Variants in GBP3 observed in about 807,000 individuals in gnomAD.
GBP3 encodes the protein guanylate binding protein 3, also known as guanylate-binding protein 3.
In GBP3, 55 loss-of-function variants were observed where a neutral mutation model predicts 62.4. That is an observed-to-expected ratio of 0.88 (90% CI 0.71 to 1.10). GBP3 has a LOEUF of 1.10. Ranked by LOEUF, GBP3 falls within the 50% of genes least tolerant of loss-of-function variation. The probability of loss-of-function intolerance (pLI) is 0.00; values close to 1 mark genes in which losing one functional copy is unlikely to be tolerated. For synonymous variants in GBP3, 208 were observed against 259.2 expected (o/e 0.80, Z 1.90); for missense variants, 605 against 690.6 (o/e 0.88, Z 1.39).
At chr1:89,016,959 T>C (rs1678919934) in intron 2 of GBP3, among the ~76,000 whole-genome samples, 1 of 152,188 alleles carries the variant, frequency 6.6e-6, no homozygotes, top group Non-Finnish European at 1.5e-5. Context: ...ATGCAATCCC[T>C]ATCAAAATTC....
chr1:89,021,804 AGAGAGAGAGAGAG>A, intron 1 of GBP3, among the ~76,000 whole-genome samples: 1 of 146,540 alleles, frequency 6.8e-6, no homozygotes, highest in African/African-American at 2.6e-5. Context: ...AGAGAGAGAG[AGAGAGAGAGAGAG>A]AGAGAGAGAG....
intron 10 of GBP3, among the ~76,000 whole-genome samples, chr1:89,008,590 A>G (rs1172741330): frequency 1.3e-5 from 2 of 151,280 alleles, no homozygotes; most frequent in Non-Finnish European, 2.9e-5. Context: ...TATAAAAGTT[A>G]TTTAATATTT....
chr1:89,019,662 G>A (rs962485045), intron 2 of GBP3, among the ~76,000 whole-genome samples: 7 of 152,156 alleles, frequency 4.6e-5, no homozygotes, highest in African/African-American at 1.7e-4. Context: ...GTCACCAAAG[G>A]ACAAATATTG....
chr1:89,010,607 TC>T (rs1292689610), intron 8 of GBP3, among the ~76,000 whole-genome samples: 11 of 138,422 alleles, frequency 7.9e-5, no homozygotes, highest in African/African-American at 2.5e-4. Flanking sequence ...GAGACATGTT[TC>T]ACCATGTTGC....
chr1:89,014,192 G>A lies in GBP3; in HGVS notation c.516C>T (p.Phe172=), dbSNP rs1426090093. 3.1e-6 allele frequency: 5 copies of A among 1,614,100 alleles called. No individual in the cohort carries two copies. The highest frequency in any genetic ancestry group is 4.2e-6 in the Non-Finnish European group (5 of 1,180,032). ...TCAGTGTCCACACAAAATCTGGGAA[G>A]AAGCTCACAAAGTCAGCTGAATCCT... ...ENEDSADFVS[F]FPDFVWTLRD... is the part of the protein sequence containing the mutation. The change falls in exon 5 of 11, where the codon TTC becomes TTT. Residue 172 remains phenylalanine, a synonymous_variant. Transcript: ENST00000370481.
intron 10 of GBP3, among the ~76,000 whole-genome samples, chr1:89,008,656 G>T (rs555066227): frequency 6.6e-6 from 1 of 151,878 alleles, no homozygotes; most frequent in South Asian, 2.1e-4. Flanking sequence ...GCTTCATATG[G>T]TATTAAGCAA....
intron 7 of GBP3, among the ~76,000 whole-genome samples, chr1:89,011,364 A>C (rs1270723007): frequency 7.2e-6 from 1 of 139,526 alleles, no homozygotes; most frequent in Non-Finnish European, 1.7e-5. Flanking sequence ...CTGCTTTTGC[A>C]TATTGGACTA....
At chr1:89,014,338 T>G (rs1678763095) in intron 4 of GBP3, 59 bp from the exon 5 acceptor site, 1 of 1,612,192 alleles carries the variant, frequency 6.2e-7, no homozygotes, top group South Asian at 1.1e-5. Context: ...CCATATTAGT[T>G]CAACACATTC....
intron 2 of GBP3, among the ~76,000 whole-genome samples, chr1:89,017,180 A>G (rs1428394844): frequency 3.9e-5 from 6 of 152,220 alleles, no homozygotes. Context: ...AATGGAGTAA[A>G]GTAGAGAGCC....
At chr1:89,017,232 A>G (rs1304196329) in intron 2 of GBP3, among the ~76,000 whole-genome samples, 22 of 152,068 alleles carry the variant, frequency 1.4e-4, no homozygotes, top group Non-Finnish European at 1.5e-5. Flanking sequence ...AATTTTCAAC[A>G]TGGATGCTAA....
Position 89,011,837 on chromosome 1 carries a change from G to C in GBP3, c.1059C>G (p.Asp353Glu). 1.4e-6 allele frequency: 2 copies of C among 1,461,974 alleles called. 1 individual carries two copies. The highest frequency in any genetic ancestry group is 2.4e-5 in the South Asian group (2 of 84,770). 90.6% of individuals were successfully genotyped at this position (1,461,974 alleles called of 1,614,324 possible). The stretch of plus-strand genomic sequence containing the variant: ...CCTCCCTCTCACTAACCCTGTGCAG[G>C]TCCAGCAGCTCCTGGAGGGTTTCTG... ...LPAETLQELL[D>E]LHRVSEREAT... Residue 353 changes from aspartate (D) to glutamate (E), a missense_variant, in exon 7 of 11, where the codon GAC becomes GAG. By Grantham distance (45) the Asp-to-Glu change is conservative (BLOSUM62 2). Around this residue, in one of 3 missense-constraint regions of GBP3, gnomAD observed 137 missense variants for 224.7 expected, o/e 0.61. Coordinates refer to ENST00000370481, the MANE Select transcript of GBP3 (RefSeq NM_018284.3).
intron 1 of GBP3, among the ~76,000 whole-genome samples, chr1:89,021,510 G>GCGCGCGCGCA (rs751639388): frequency 1.3e-4 from 17 of 131,668 alleles, no homozygotes; most frequent in African/African-American, 4.8e-4. Context: ...GCGCGCGCGC[G>GCGCGCGCGCA]CACACACACA....
chr1:89,016,752 T>C (rs572101239), intron 2 of GBP3, among the ~76,000 whole-genome samples: 10 of 152,288 alleles, frequency 6.6e-5, no homozygotes, highest in Admixed American at 6.5e-4. Flanking sequence ...TTTTTGTATA[T>C]TTTGTAGAGA....
chr1:89,015,375 C>T lies in GBP3; in HGVS notation c.230G>A (p.Gly77Glu), dbSNP rs750980387. ...LGSTVKSHTK[G>E]IWMWCVPHPK... ...GTGAGGCACACACCACATCCAGATT[C>T]CTTTGGTGTGAGATTTCACTGTGGA... Residue 77 changes from glycine to glutamate, a missense_variant, in exon 3 of 11, where the codon GGA becomes GAA. Coordinates refer to ENST00000370481, the MANE Select transcript of GBP3 (RefSeq NM_018284.3). The T allele has an allele frequency of 1.9e-6, 3 of 1,613,430 alleles. No individual in the cohort carries two copies. The highest frequency in any genetic ancestry group is 2.5e-6 in the Non-Finnish European group (3 of 1,179,650).
intron 1 of GBP3, among the ~76,000 whole-genome samples, chr1:89,021,039 T>G (rs1243519825): frequency 6.6e-6 from 1 of 152,150 alleles, no homozygotes; most frequent in Non-Finnish European, 1.5e-5. Flanking sequence ...AAATGGAAGA[T>G]AAAATAGGAT....
chr1:89,007,783 G>A lies in GBP3; in HGVS notation c.1729C>T (p.Leu577=), dbSNP rs1384600782. 6.2e-7 allele frequency: 1 copy of A among 1,612,790 alleles called. No individual in the cohort carries two copies. Among genetic ancestry groups the A allele is most frequent in the Non-Finnish European group, 8.5e-7 (1 of 1,179,260 alleles). The change falls in exon 11 of 11, where the codon CTA becomes TTA. Residue 577 remains leucine (L), a synonymous_variant. Transcript: ENST00000370481. ...STQLQNEIQK[L]QKTLKKKTKR... is the part of the protein sequence containing the mutation. ...GTTTTTTTTTTCAGGGTCTTCTGTA[G>A]CTTTTGTATCTCATTTTGAAGTTGG... is the stretch of plus-strand genomic sequence containing the variant.
rs747981376 is a variant in GBP3, at chr1:89,013,259, G to A, written c.794C>T (p.Ala265Val). 2 of 1,614,176 alleles carry A rather than the reference G, an allele frequency of 1.2e-6. No homozygotes were observed. Among genetic ancestry groups the A allele is most frequent in the Non-Finnish European group, 1.7e-6 (2 of 1,180,022 alleles). The stretch of plus-strand genomic sequence containing the variant: ...GCTAAAGATGTAGGAACAGAAGTCT[G>A]CTACTTGTTGCACAAATTCAGGGTC... ...ELDPEFVQQV[A>V]DFCSYIFSNS... Residue 265 changes from alanine (A) to valine (V), a missense_variant, in exon 6 of 11, where the codon GCA becomes GTA. Ala to Val is a moderately conservative substitution (Grantham distance 64). This residue lies in a region of GBP3 where 308 missense variants were observed against 318.0 expected (regional missense o/e 0.97). Coordinates refer to ENST00000370481, the MANE Select transcript of GBP3 (RefSeq NM_018284.3).
rs1304298526 is a variant in GBP3, at chr1:89,012,856, A to G, written c.868+329T>C. ...GGTGGAGTTATTCTATGCTCCTTTC[A>G]TATTTTTTTTTTCCTCTGTCACCCA... On this transcript the variant is annotated intron_variant, in intron 6 of 10. Coordinates refer to ENST00000370481, the MANE Select transcript of GBP3 (RefSeq NM_018284.3). Among the ~76,000 whole-genome samples, 6 of 136,888 alleles carry G rather than the reference A, an allele frequency of 4.4e-5. 1 individual carries two copies. Among genetic ancestry groups the G allele is most frequent in the African/African-American group, 1.5e-4 (6 of 40,154 alleles). 89.8% of individuals were successfully genotyped at this position (136,888 alleles called of 152,430 possible).
chr1:89,009,074 T>C lies in GBP3; in HGVS notation c.1532A>G (p.Tyr511Cys). The C allele has an allele frequency of 1.2e-6, 2 of 1,614,192 alleles. No homozygotes were observed. Among genetic ancestry groups the C allele is most frequent in the South Asian group, 1.1e-5 (1 of 91,088 alleles). ...AKMVEEMQIKYQQMMEEKEKS... is the reference protein window; with the variant it reads ...AKMVEEMQIKCQQMMEEKEKS... ...CTCTTTCTCTTCCATCATCTGCTGATACTTTATTTGCATTTCCTCCACCAT... is the reference window on the plus strand; with the variant it reads ...CTCTTTCTCTTCCATCATCTGCTGACACTTTATTTGCATTTCCTCCACCAT... Residue 511 changes from tyrosine to cysteine, a missense_variant, in exon 10 of 11, where the codon TAT becomes TGT. This residue lies in a region of GBP3 where 160 missense variants were observed against 147.8 expected (regional missense o/e 1.08). Transcript: ENST00000370481.
Sources: gnomAD v4.1 joint callset for allele counts (sites outside exome capture counted in the v4.1 genomes callset) on GRCh38, gnomAD v4.1.1 for gene constraint, gnomAD v4.1.1 regional missense constraint, MANE v1.5 for transcripts, NCBI Gene and HGNC (gene_info 2026-07-23, HGNC 2026-07-21) for gene names.